The following SH3BGR variants were observed in gnomAD, a reference collection of about 807,000 sequenced individuals.
SH3BGR encodes SH3 domain-binding glutamic acid-rich protein.
In SH3BGR, 29 loss-of-function variants were observed where a neutral mutation model predicts 24.5. That is an observed-to-expected ratio of 1.18 (90% CI 0.88 to 1.61). The LOEUF (loss-of-function observed/expected upper bound fraction) is 1.61. SH3BGR is among the 40% of genes most tolerant of loss of function. The probability of loss-of-function intolerance (pLI) is 0.00; values close to 1 mark genes in which losing one functional copy is unlikely to be tolerated. For missense variants in SH3BGR, 162 were observed against 205.8 expected, an observed-to-expected ratio of 0.79 and a Z score of 1.30; for synonymous variants, 55 against 65.7, an observed-to-expected ratio of 0.84 and a Z score of 0.79.
chr21:39,473,605 C>T (rs1400671434), intron 2 of SH3BGR, among the ~76,000 whole-genome samples: 5 of 151,966 alleles, frequency 3.3e-5, no homozygotes, highest in Admixed American at 2.0e-4. Flanking sequence ...ACACAGGAGG[C>T]TGGGCATGGT....
At chr21:39,464,830 A>G (rs1477546791) in intron 2 of SH3BGR, among the ~76,000 whole-genome samples, 2 of 152,268 alleles carry the variant, frequency 1.3e-5, no homozygotes, top group East Asian at 1.9e-4. Context: ...GAAAGGGATA[A>G]TATTTTTTTA....
chr21:39,447,914 AC>A (rs979231900), upstream of SH3BGR, among the ~76,000 whole-genome samples: 2 of 152,220 alleles, frequency 1.3e-5, no homozygotes, highest in African/African-American at 4.8e-5. Flanking sequence ...GAACAATAGA[AC>A]TTTATCTTCT....
Position 39,499,141 on chromosome 21 carries a change from T to A in SH3BGR, c.313-682T>A, listed in dbSNP as rs1396254784. 2.0e-5 allele frequency among the ~76,000 whole-genome samples: 3 copies of A among 152,048 alleles called. No homozygotes were observed. The East Asian group carries it at 5.8e-4, about 30-fold the overall frequency. On this transcript the variant is annotated intron_variant, in intron 3 of 6. Coordinates refer to ENST00000333634, the MANE Select transcript of SH3BGR (RefSeq NM_007341.3). Reference sequence around the variant, plus strand: ...CCATGATTCAGTTACCTCCATCTGGTCTCTCTCTTGACATGTGGGGATTAT... The same window carrying A: ...CCATGATTCAGTTACCTCCATCTGGACTCTCTCTTGACATGTGGGGATTAT...
upstream of SH3BGR, chr21:39,451,934 A>G (rs61732692): frequency 0.03 from 48,764 of 1,614,086 alleles, 881 homozygotes; most frequent in Non-Finnish European, 0.035. Flanking sequence ...TTGGAGAGAC[A>G]GAGCCTCTTA....
Position 39,514,849 on chromosome 21 carries a change from T to G in SH3BGR, c.*35-239T>G, listed in dbSNP as rs550513949. ...TGAAAACACAGTGGGAAATTATAAT[T>G]GGAGATGTTGTCTTCCTTATGGTGT... On this transcript the variant is annotated intron_variant, in intron 6 of 6. Transcript: ENST00000333634. 1.1e-4 allele frequency among the ~76,000 whole-genome samples: 16 copies of G among 152,338 alleles called. No individual in the cohort carries two copies. In the East Asian group the frequency reaches 3.1e-3, roughly 29 times the overall value.
At chr21:39,459,246 G>A (rs868146396) in intron 1 of SH3BGR, among the ~76,000 whole-genome samples, 8 of 142,650 alleles carry the variant, frequency 5.6e-5, no homozygotes, top group Non-Finnish European at 3.0e-5. Context: ...TTTTTTTTGA[G>A]ACGGAGTCTC....
intron 2 of SH3BGR, among the ~76,000 whole-genome samples, chr21:39,474,142 AT>A (rs995625516): frequency 2.6e-5 from 4 of 151,848 alleles, no homozygotes; most frequent in Non-Finnish European, 5.9e-5. Context: ...TAATTTTTGT[AT>A]TTTTTGTAGA....
At chr21:39,508,422 C>T (rs1256199054) in intron 4 of SH3BGR, among the ~76,000 whole-genome samples, 1 of 152,158 alleles carries the variant, frequency 6.6e-6, no homozygotes, top group Non-Finnish European at 1.5e-5. Context: ...CAGTAGAGAC[C>T]TATTTGAGCC....
chr21:39,469,011 GTT>G (rs78313529), intron 2 of SH3BGR, among the ~76,000 whole-genome samples: 21 of 134,350 alleles, frequency 1.6e-4, no homozygotes, highest in Admixed American at 2.2e-4. Context: ...AAGATGTCTA[GTT>G]TTTTTTTTTT....
chr21:39,511,632 C>T lies in SH3BGR; in HGVS notation c.436-48C>T. 1.3e-6 allele frequency: 2 copies of T among 1,591,138 alleles called. No individual in the cohort carries two copies. The highest frequency in any genetic ancestry group is 1.7e-6 in the Non-Finnish European group (2 of 1,169,194). On this transcript the variant is annotated intron_variant, in intron 5 of 6. Coordinates refer to ENST00000333634, the MANE Select transcript of SH3BGR (RefSeq NM_007341.3). This position sits in a 1 kb window ranked among gnomAD's most constrained non-coding sequence, Gnocchi z 4.2. The stretch of plus-strand genomic sequence containing the variant: ...TTTACAGTCTTTTTCTCACTGTATC[C>T]TTGGCCCTTATGCTTCTTAATACTA...
chr21:39,497,964 G>C (rs752074944), intron 3 of SH3BGR, among the ~76,000 whole-genome samples: 24 of 152,190 alleles, frequency 1.6e-4, no homozygotes, highest in Non-Finnish European at 3.2e-4. Context: ...GTTATTTGTG[G>C]TGGAAGAAAC....
At chr21:39,512,816 C>CAA (rs2041470221) in intron 6 of SH3BGR, among the ~76,000 whole-genome samples, 2 of 150,992 alleles carry the variant, frequency 1.3e-5, no homozygotes, top group South Asian at 4.1e-4. Flanking sequence ...AAACAAAAAA[C>CAA]AAAACAAAAC....
Position 39,485,690 on chromosome 21 carries a change from T to TC in SH3BGR, c.312+10475_312+10476insC, listed in dbSNP as rs1403213775. On this transcript the variant is annotated intron_variant, in intron 3 of 6. Transcript: ENST00000333634. ...ATATGGTCTCAAAGTTGTTTTCTTTTTTTTTTTTTTTTTTTGAGACGGAGT... is the reference window on the plus strand; with the variant it reads ...ATATGGTCTCAAAGTTGTTTTCTTTTCTTTTTTTTTTTTTTTGAGACGGAGT... 2.1e-3 allele frequency among the ~76,000 whole-genome samples: 318 copies of TC among 148,748 alleles called. 1 individual carries two copies. Among genetic ancestry groups the TC allele is most frequent in the African/African-American group, 7.6e-3 (311 of 40,756 alleles).
At chr21:39,480,723 T>G (rs1002576690) in intron 3 of SH3BGR, among the ~76,000 whole-genome samples, 1 of 152,214 alleles carries the variant, frequency 6.6e-6, no homozygotes, top group African/African-American at 2.4e-5. Flanking sequence ...TCAGAATCTC[T>G]TGGACAATTT....
intron 1 of SH3BGR, among the ~76,000 whole-genome samples, chr21:39,455,954 A>G (rs930342296): frequency 7.9e-5 from 12 of 152,186 alleles, no homozygotes; most frequent in African/African-American, 1.4e-4. Flanking sequence ...CAGTCCCGCA[A>G]TGGACCTGGA....
At chr21:39,457,837 TC>T (rs1462151637) in intron 1 of SH3BGR, among the ~76,000 whole-genome samples, 1 of 151,688 alleles carries the variant, frequency 6.6e-6, no homozygotes, top group African/African-American at 2.4e-5. Context: ...GGTGGGAGAA[TC>T]ACTTGACCCT....
chr21:39,481,883 T>C (rs2078135685), intron 3 of SH3BGR, among the ~76,000 whole-genome samples: 1 of 152,184 alleles, frequency 6.6e-6, no homozygotes, highest in Non-Finnish European at 1.5e-5. Context: ...GTAAAAGGCA[T>C]TAGGTGAATT....
At chr21:39,462,942 G>C (rs888853876) in intron 2 of SH3BGR, among the ~76,000 whole-genome samples, 3 of 152,190 alleles carry the variant, frequency 2.0e-5, no homozygotes, top group Admixed American at 1.3e-4. Flanking sequence ...GGAGTGTAGT[G>C]GTGCAATCAT....
upstream of SH3BGR, among the ~76,000 whole-genome samples, chr21:39,448,740 T>A (rs1225986323): frequency 6.6e-6 from 1 of 152,060 alleles, no homozygotes; most frequent in Non-Finnish European, 1.5e-5. Flanking sequence ...GAGGGGTTAG[T>A]TACGTATTTT....
Sources: allele counts gnomAD v4.1 joint callset (sites outside exome capture counted in the v4.1 genomes callset), GRCh38; gene constraint gnomAD v4.1.1; non-coding constraint Gnocchi (gnomAD v3.1); transcripts MANE v1.5; gene names NCBI Gene and HGNC (gene_info 2026-07-23, HGNC 2026-07-21).